The following TLR8 variants were observed in gnomAD, a reference collection of about 807,000 sequenced individuals.
TLR8 encodes the protein toll like receptor 8.
In TLR8, 5 loss-of-function variants were observed where a neutral mutation model predicts 18.5. The ratio of observed to expected loss-of-function variants is 0.27; its 90% CI spans 0.14 to 0.57. The LOEUF (loss-of-function observed/expected upper bound fraction) is 0.57. TLR8 is among the 20% of genes least tolerant of loss of function. TLR8 has a pLI of 0.92. For synonymous variants in TLR8, 299 were observed against 300.1 expected (o/e 1.00, Z 0.04); for missense variants, 543 against 769.8 (o/e 0.71, Z 3.49).
chrX:12,906,752 A>G (rs375853424), intron 1 of TLR8, 43 bp downstream of exon 1: 7 of 1,071,394 alleles, frequency 6.5e-6, no homozygotes, highest in Non-Finnish European at 7.3e-6. Context: ...CCAACAGAAT[A>G]TGGGGTTTCT....
chrX:12,918,419 G>C (rs762635325), intron 1 of TLR8, among the ~76,000 whole-genome samples: 2 of 112,107 alleles, frequency 1.8e-5, no homozygotes, highest in South Asian at 3.8e-4. Context: ...ATAAACCATA[G>C]CTGTGGTCCA....
intron 1 of TLR8, among the ~76,000 whole-genome samples, chrX:12,915,071 T>C (rs947796958): frequency 8.9e-6 from 1 of 112,505 alleles, no homozygotes; most frequent in Non-Finnish European, 1.9e-5. Flanking sequence ...TGAGGCATTC[T>C]ACATGTATAC....
In TLR8 at chrX:12,921,621, AAT is replaced by A. The variant is rs758245369; in HGVS notation, c.2582_2583del (p.Asn861SerfsTer5). 1.7e-6 allele frequency: 2 copies of A among 1,211,250 alleles called. No homozygotes were observed. ...TTACTGGGATGTTTGGTTTATATAT[AAT>A]GTGTGTTTAGCTAAGGTAAAAGGCT... ...LFYWDVWFIYNVCLAKVKGYR... is the reference protein window; with the variant it reads ...LFYWDVWFIYXVCLAKVKGYR... On this transcript the variant is annotated frameshift_variant, in exon 2 of 2. Coordinates refer to ENST00000218032, the MANE Select transcript of TLR8 (RefSeq NM_138636.5). LOFTEE classifies it high-confidence loss of function.
intron 1 of TLR8, among the ~76,000 whole-genome samples, chrX:12,911,164 T>A (rs2043018634): frequency 8.9e-6 from 1 of 111,863 alleles, no homozygotes; most frequent in African/African-American, 3.3e-5. Context: ...ACAGAACAAC[T>A]GTCATTTACC....
In TLR8 at chrX:12,920,369, T is replaced by C. The variant is rs2043085900; in HGVS notation, c.1329T>C (p.Asn443=). Residue 443 remains asparagine (N), a synonymous_variant, in exon 2 of 2, where the codon AAT becomes AAC. Coordinates refer to ENST00000218032, the MANE Select transcript of TLR8 (RefSeq NM_138636.5). ...LVKDTRQSYA[N]SSSFQRHIRK... The stretch of plus-strand genomic sequence containing the variant: ...AAGATACCCGGCAGAGTTATGCAAA[T>C]AGTTCCTCTTTTCAACGTCATATCC... 8 of 1,210,533 alleles carry C rather than the reference T, an allele frequency of 6.6e-6. No individual in the cohort carries two copies. Among genetic ancestry groups the C allele is most frequent in the Non-Finnish European group, 7.8e-6 (7 of 894,839 alleles).
At position 12,909,030 on chromosome X, in the gene TLR8, A is replaced by G. The variant is rs539405845; in HGVS notation, c.3+2321A>G. ...CAGTTAGTCTTTGAAACGCAGTTGG[A>G]CATTATTTGTAAGTGCATCATAGTG... On this transcript the variant is annotated intron_variant, in intron 1 of 1. Transcript: ENST00000218032. Among the ~76,000 whole-genome samples the G allele has an allele frequency of 8.0e-5, 9 of 112,222 alleles. No homozygotes were observed. The South Asian group carries it at 3.3e-3, about 41-fold the overall frequency.
chrX:12,907,820 C>T (rs1262413532), intron 1 of TLR8, among the ~76,000 whole-genome samples: 4 of 110,986 alleles, frequency 3.6e-5, no homozygotes, highest in African/African-American at 1.3e-4. Context: ...AGCCACCGCG[C>T]CCGGCCTGAA....
Position 12,920,455 on chromosome X carries a change from G to A in TLR8, c.1415G>A (p.Arg472His), listed in dbSNP as rs910600091. The A allele has an allele frequency of 2.9e-5, 35 of 1,209,201 alleles. No individual in the cohort carries two copies. The highest frequency in any genetic ancestry group is 1.5e-4 in the East Asian group (5 of 33,800). The change falls in exon 2 of 2, where the codon CGT becomes CAT. Residue 472 changes from arginine (R) to histidine (H), a missense_variant. Physicochemically the swap from Arg to His is conservative, Grantham distance 29. Transcript: ENST00000218032. Reference sequence around the variant, plus strand: ...CATTCGAACTTTTATCATTTCACCCGTCCTTTAATAAAGCCACAATGTGCT... The same window carrying A: ...CATTCGAACTTTTATCATTTCACCCATCCTTTAATAAAGCCACAATGTGCT... Reference protein sequence around the residue: ...DPHSNFYHFTRPLIKPQCAAY... With the variant: ...DPHSNFYHFTHPLIKPQCAAY...
chrX:12,917,798 C>G (rs894292382), intron 1 of TLR8, among the ~76,000 whole-genome samples: 1 of 112,463 alleles, frequency 8.9e-6, no homozygotes, highest in Non-Finnish European at 1.9e-5. Context: ...GCTATTAATG[C>G]TAATGTTTGT....
intron 1 of TLR8, among the ~76,000 whole-genome samples, chrX:12,918,302 T>C (rs2043069085): frequency 9.0e-6 from 1 of 111,721 alleles, no homozygotes; most frequent in African/African-American, 3.3e-5. Context: ...GATACCATAT[T>C]AGAAGTTGCA....
In TLR8 at chrX:12,921,202, A is replaced by G. The variant is rs1196581356; in HGVS notation, c.2162A>G (p.His721Arg). ...TCCCTTCGGACACTGCTGCTGAGTC[A>G]TAACAGGATTTCCCACCTACCCTCT... Reference protein sequence around the residue: ...TSSLRTLLLSHNRISHLPSGF... With the variant: ...TSSLRTLLLSRNRISHLPSGF... Residue 721 changes from histidine (H) to arginine (R), a missense_variant, in exon 2 of 2, where the codon CAT becomes CGT. By Grantham distance (29) the His-to-Arg change is conservative (BLOSUM62 0). Coordinates refer to ENST00000218032, the MANE Select transcript of TLR8 (RefSeq NM_138636.5). 2 of 1,212,092 alleles carry G rather than the reference A, an allele frequency of 1.7e-6. No individual in the cohort carries two copies. Among genetic ancestry groups the G allele is most frequent in the Non-Finnish European group, 2.2e-6 (2 of 895,644 alleles).
chrX:12,906,625 C>T lies in TLR8; in HGVS notation c.-82C>T. Reference sequence around the variant, plus strand: ...GCCATTTCAGGAAGTTAGCCAGTTTCTCTTCTCGGCCACCTCCTGCATAGA... The same window carrying T: ...GCCATTTCAGGAAGTTAGCCAGTTTTTCTTCTCGGCCACCTCCTGCATAGA... On this transcript the variant is annotated 5_prime_UTR_variant, in exon 1 of 2. Transcript: ENST00000218032. The T allele has an allele frequency of 1.1e-6, 1 of 906,299 alleles. No homozygotes were observed. The allele number at this position is 906,299 out of a possible 1,213,427, so 74.7% of individuals were successfully genotyped here.
Position 12,919,583 on chromosome X carries a change from C to G in TLR8, c.543C>G (p.Cys181Trp). Reference sequence around the variant, plus strand: ...AAAATCTCTATTTGGCCTGGAACTGCTATTTTAACAAAGTTTGCGAGAAAA... The same window carrying G: ...AAAATCTCTATTTGGCCTGGAACTGGTATTTTAACAAAGTTTGCGAGAAAA... ...NLKNLYLAWN[C>W]YFNKVCEKTN... Residue 181 changes from cysteine to tryptophan, a missense_variant, in exon 2 of 2, where the codon TGC becomes TGG. Coordinates refer to ENST00000218032, the MANE Select transcript of TLR8 (RefSeq NM_138636.5). The G allele has an allele frequency of 1.7e-6, 2 of 1,207,672 alleles. No individual in the cohort carries two copies. The highest frequency in any genetic ancestry group is 2.2e-6 in the Non-Finnish European group (2 of 893,933).
chrX:12,908,438 G>A (rs1288655609), intron 1 of TLR8: 1 of 112,844 alleles, frequency 8.9e-6, no homozygotes, highest in African/African-American at 3.2e-5. Context: ...CCCACTGGTG[G>A]CCAATGGAGG....
intron 1 of TLR8, chrX:12,910,558 A>G (rs2043014257): frequency 1.2e-6 from 1 of 834,976 alleles, no homozygotes; most frequent in Non-Finnish European, 1.7e-6. Context: ...CTTTGTGCCC[A>G]CACATCTGGT....
chrX:12,907,480 C>A (rs2042992369), intron 1 of TLR8, among the ~76,000 whole-genome samples: 1 of 112,115 alleles, frequency 8.9e-6, no homozygotes, highest in Non-Finnish European at 1.9e-5. Flanking sequence ...CCAAAATGTA[C>A]TATATATTTT....
At position 12,910,942 on chromosome X, in the gene TLR8, A is replaced by AT. The variant is rs912728994; in HGVS notation, c.3+4242dup. 3.0e-3 allele frequency among the ~76,000 whole-genome samples: 330 copies of AT among 108,268 alleles called. 2 individuals are homozygous for AT. Among genetic ancestry groups the AT allele is most frequent in the African/African-American group, 0.01 (308 of 29,578 alleles). 94.0% of individuals were successfully genotyped at this position (108,268 alleles called of 115,157 possible). On this transcript the variant is annotated intron_variant, in intron 1 of 1. Transcript: ENST00000218032. ...GGCAGGGAGAGGAGAAGTTGGGCAC[A>AT]TTTTTTTTTCTTTTTTTTTTCATGA...
chrX:12,911,312 G>C (rs1210466427), intron 1 of TLR8, among the ~76,000 whole-genome samples: 1 of 111,818 alleles, frequency 8.9e-6, no homozygotes, highest in Non-Finnish European at 1.9e-5. Flanking sequence ...TTGTTGGCAG[G>C]GTTGGTTCCT....
Position 12,922,616 on chromosome X carries a change from A to G in TLR8, c.*450A>G, listed in dbSNP as rs1479258313. On this transcript the variant is annotated 3_prime_UTR_variant, in exon 2 of 2. Transcript: ENST00000218032. Reference sequence around the variant, plus strand: ...TCACTTTGGCCATATTCTATTTGTTAGAAGTAAACCACAGGTCCCACCAGC... The same window carrying G: ...TCACTTTGGCCATATTCTATTTGTTGGAAGTAAACCACAGGTCCCACCAGC... The G allele has an allele frequency of 1.7e-5, 2 of 116,302 alleles. No individual in the cohort carries two copies. The highest frequency in any genetic ancestry group is 9.0e-5 in the Admixed American group (1 of 11,135). The allele number at this position is 116,302 out of a possible 1,213,427, so 9.6% of individuals were successfully genotyped here. A position where few individuals can be genotyped will look rare whatever the true frequency, so the allele number is the denominator to read the frequency against.
Sources: allele counts gnomAD v4.1 joint callset (sites outside exome capture counted in the v4.1 genomes callset), GRCh38; gene constraint gnomAD v4.1.1; transcripts MANE v1.5; gene names NCBI Gene and HGNC (gene_info 2026-07-23, HGNC 2026-07-21).